The following FILIP1 variants were observed in gnomAD, a reference collection of about 807,000 sequenced individuals.
FILIP1 encodes filamin A interacting protein 1, also known as filamin-A-interacting protein 1.
In FILIP1, 61 loss-of-function variants were observed where a neutral mutation model predicts 102.1. The ratio of observed to expected loss-of-function variants is 0.60; its 90% confidence interval spans 0.49 to 0.74. The LOEUF is 0.74. FILIP1 is among the 30% of genes least tolerant of loss of function. The pLI is 0.00. For synonymous variants in FILIP1, 491 were observed against 526.9 expected (o/e 0.93, Z 0.93); for missense variants, 1,314 against 1,441.2 (o/e 0.91, Z 1.43).
chr6:75,441,728 C>T (rs1159672738), intron 1 of FILIP1, among the ~76,000 whole-genome samples: 5 of 146,058 alleles, frequency 3.4e-5, no homozygotes, highest in Non-Finnish European at 7.6e-5. Context: ...CCACCTCCCT[C>T]CCGGACGGGG....
intron 4 of FILIP1, among the ~76,000 whole-genome samples, chr6:75,352,312 G>A (rs990432217): frequency 2.0e-5 from 3 of 152,032 alleles, no homozygotes; most frequent in Admixed American, 2.0e-4. Flanking sequence ...AGACATGCTT[G>A]GTAACTCAAA....
intron 2 of FILIP1, chr6:75,398,916 A>G (rs1300082318): frequency 6.6e-6 from 1 of 152,154 alleles, no homozygotes; most frequent in East Asian, 1.9e-4. Flanking sequence ...AAGATGGGCC[A>G]TCAATGAAAA....
At chr6:75,485,476 T>C (rs1779756541) in intron 1 of FILIP1, among the ~76,000 whole-genome samples, 1 of 152,200 alleles carries the variant, frequency 6.6e-6, no homozygotes, top group African/African-American at 2.4e-5. Flanking sequence ...TTCCATCCCA[T>C]ATAAAACATT....
At chr6:75,473,845 C>G (rs915757968) in intron 1 of FILIP1, 2 of 152,122 alleles carry the variant, frequency 1.3e-5, no homozygotes, top group Non-Finnish European at 2.9e-5. Flanking sequence ...AATGGATGAG[C>G]CTCGCCCTGG....
chr6:75,335,333 C>G (rs1448254056), intron 4 of FILIP1, among the ~76,000 whole-genome samples: 2 of 152,096 alleles, frequency 1.3e-5, no homozygotes, highest in Non-Finnish European at 2.9e-5. Flanking sequence ...ATGGCAAAAA[C>G]TGCTGTCTGC....
chr6:75,297,510 C>T (rs1772715723), intron 6 of FILIP1, among the ~76,000 whole-genome samples: 1 of 152,044 alleles, frequency 6.6e-6, no homozygotes, highest in African/African-American at 2.4e-5. Context: ...TGAAGGTTTT[C>T]TGAAGCTCTT....
chr6:75,371,897 A>G (rs1323854876), intron 2 of FILIP1, among the ~76,000 whole-genome samples: 1 of 152,272 alleles, frequency 6.6e-6, no homozygotes, highest in African/African-American at 2.4e-5. Flanking sequence ...GATATTGGAT[A>G]TAGCACTTAT....
intron 2 of FILIP1, among the ~76,000 whole-genome samples, chr6:75,388,031 C>G (rs1776157384): frequency 6.6e-6 from 1 of 152,168 alleles, no homozygotes; most frequent in Admixed American, 6.5e-5. Flanking sequence ...ACATTTAAAT[C>G]TTTAACCCAT....
At chr6:75,383,233 G>C (rs1490021029) in intron 2 of FILIP1, among the ~76,000 whole-genome samples, 5 of 152,128 alleles carry the variant, frequency 3.3e-5, no homozygotes, top group Non-Finnish European at 5.9e-5. Context: ...TAAGATCTGG[G>C]AAGTCTCTCA....
downstream of FILIP1, among the ~76,000 whole-genome samples, chr6:75,303,981 C>T (rs767014997): frequency 6.6e-6 from 1 of 151,968 alleles, no homozygotes; most frequent in Non-Finnish European, 1.5e-5. Context: ...ACTAGGAAGG[C>T]CTCCAGGGAA....
chr6:75,406,350 G>A (rs1208545149), intron 2 of FILIP1, among the ~76,000 whole-genome samples: 2 of 152,074 alleles, frequency 1.3e-5, no homozygotes, highest in Non-Finnish European at 2.9e-5. Context: ...GTTCATGTTG[G>A]CCCCTATGCT....
At chr6:75,490,264 G>T (rs2149788660) in intron 1 of FILIP1, among the ~76,000 whole-genome samples, 1 of 152,144 alleles carries the variant, frequency 6.6e-6, no homozygotes, top group East Asian at 1.9e-4. Context: ...CCACTTAAAA[G>T]AGTAAGTTTC....
chr6:75,399,522 A>G (rs920886447), intron 2 of FILIP1, among the ~76,000 whole-genome samples: 9 of 152,162 alleles, frequency 5.9e-5, no homozygotes, highest in African/African-American at 2.2e-4. Flanking sequence ...TTCAGTCTTT[A>G]GCATAAAGTG....
chr6:75,343,670 G>T (rs6929270), intron 4 of FILIP1, among the ~76,000 whole-genome samples: 87,388 of 151,996 alleles, frequency 0.57, 25,472 homozygotes, highest in South Asian at 0.7. Flanking sequence ...CTGTTCTCCC[G>T]TTTAGTTGTG....
downstream of FILIP1, among the ~76,000 whole-genome samples, chr6:75,303,743 G>A (rs145206747): frequency 0.017 from 2,520 of 151,698 alleles, 31 homozygotes; most frequent in South Asian, 0.035. Context: ...AAGATGTAAA[G>A]AGAAAGAGGG....
chr6:75,467,679 A>G (rs931492777), intron 1 of FILIP1, among the ~76,000 whole-genome samples: 3 of 152,164 alleles, frequency 2.0e-5, no homozygotes, highest in African/African-American at 4.8e-5. Context: ...TTTAGAACGA[A>G]TTTTTTAATG....
chr6:75,316,993 C>T (rs1440763675), intron 4 of FILIP1, among the ~76,000 whole-genome samples: 1 of 152,222 alleles, frequency 6.6e-6, no homozygotes, highest in African/African-American at 2.4e-5. Context: ...GAAAACGTTA[C>T]TGCTTCCAAT....
intron 1 of FILIP1, among the ~76,000 whole-genome samples, chr6:75,420,486 C>T (rs527440141): frequency 5.9e-4 from 89 of 152,112 alleles, no homozygotes; most frequent in Middle Eastern, 6.8e-3. Context: ...ATAATGTGTC[C>T]GGTAGCTGTC....
chr6:75,408,014 T>G (rs1454453315), intron 2 of FILIP1, among the ~76,000 whole-genome samples: 3 of 152,196 alleles, frequency 2.0e-5, no homozygotes, highest in Non-Finnish European at 2.9e-5. Flanking sequence ...TTTTTAAAAG[T>G]GCTATTTTGG....
Sources: gnomAD v4.1 joint callset for allele counts (sites outside exome capture counted in the v4.1 genomes callset) on GRCh38, gnomAD v4.1.1 for gene constraint, MANE v1.5 for transcripts, NCBI Gene and HGNC (gene_info 2026-07-23, HGNC 2026-07-21) for gene names.